Variants in MTUS2 observed in about 807,000 individuals in gnomAD.
The protein encoded by MTUS2 is microtubule associated scaffold protein 2, also known as microtubule-associated tumor suppressor candidate 2.
MTUS2 carries 40 observed loss-of-function variants against 114.1 expected under a neutral mutation model. The ratio of observed to expected loss-of-function variants is 0.35; its 90% CI spans 0.27 to 0.46. MTUS2 has a LOEUF of 0.46. MTUS2 is among the 20% of genes least tolerant of loss of function. The pLI is 1.00. For missense variants in MTUS2, 1,679 were observed against 1,705.4 expected (o/e 0.98, Z 0.27); for synonymous variants, 688 against 672.0 (o/e 1.02, Z -0.37).
At position 29,337,183 on chromosome 13, in the gene MTUS2, T is replaced by G. The variant is rs561604776; in HGVS notation, c.2905+12472T>G. Among the ~76,000 whole-genome samples, 8 of 78,162 alleles carry G rather than the reference T, an allele frequency of 1.0e-4. No individual in the cohort carries two copies. The South Asian group carries it at 4.9e-3, about 48-fold the overall frequency. 51.3% of individuals were successfully genotyped at this position (78,162 alleles called of 152,430 possible). On this transcript the variant is annotated intron_variant, in intron 7 of 15. Transcript: ENST00000612955. ...CTCTCACTGGTGATCCAGACACCAC[T>G]GGCATATGAAAAAAAAAAAACTCCT... is the stretch of plus-strand genomic sequence containing the variant.
chr13:28,906,220 A>G (rs1363906513), intron 2 of MTUS2, among the ~76,000 whole-genome samples: 1 of 151,226 alleles, frequency 6.6e-6, no homozygotes, highest in African/African-American at 2.4e-5. Context: ...TGGATTCATT[A>G]ATTTTTTGAA....
rs542803675 is a variant in MTUS2, at chr13:29,205,574, C to T, written c.2645-76130C>T. Among the ~76,000 whole-genome samples the T allele has an allele frequency of 2.5e-4, 38 of 152,334 alleles. No individual in the cohort carries two copies. In the East Asian group the frequency reaches 4.0e-3, roughly 16 times the overall value. On this transcript the variant is annotated intron_variant, in intron 5 of 15. Transcript: ENST00000612955. ...CCCTCACTCACTTCCCACCCATTCCCCAAAGTCCCCAGAGTGCATTGTATC... is the reference window on the plus strand; with the variant it reads ...CCCTCACTCACTTCCCACCCATTCCTCAAAGTCCCCAGAGTGCATTGTATC...
At chr13:28,998,058 C>T (rs1041398745) in intron 2 of MTUS2, among the ~76,000 whole-genome samples, 24 of 152,218 alleles carry the variant, frequency 1.6e-4, no homozygotes, top group Admixed American at 1.3e-3. Flanking sequence ...TTATTGCTTC[C>T]TTCAGGAGCT....
chr13:28,840,717 C>T (rs1875415490), intron 2 of MTUS2, among the ~76,000 whole-genome samples: 1 of 152,168 alleles, frequency 6.6e-6, no homozygotes, highest in Non-Finnish European at 1.5e-5. Context: ...TGGGATTCAA[C>T]TCATGATAGA....
At chr13:29,320,396 C>T (rs999461109) in intron 6 of MTUS2, among the ~76,000 whole-genome samples, 3 of 152,220 alleles carry the variant, frequency 2.0e-5, no homozygotes, top group East Asian at 3.9e-4. Flanking sequence ...AGAGAATAAA[C>T]TTGTGTTGTC....
chr13:28,972,675 T>C (rs963455727), intron 2 of MTUS2, among the ~76,000 whole-genome samples: 1 of 152,218 alleles, frequency 6.6e-6, no homozygotes, highest in Admixed American at 6.5e-5. Flanking sequence ...TGAGAATGGC[T>C]TTCCCGTTCT....
chr13:29,376,581 G>A (rs2138340093), intron 8 of MTUS2, among the ~76,000 whole-genome samples: 1 of 152,260 alleles, frequency 6.6e-6, no homozygotes, highest in Admixed American at 6.5e-5. Flanking sequence ...TAAATGTAAT[G>A]TAATGATTTC....
intron 5 of MTUS2, among the ~76,000 whole-genome samples, chr13:29,168,558 A>G (rs1322326578): frequency 6.6e-6 from 1 of 152,136 alleles, no homozygotes; most frequent in Non-Finnish European, 1.5e-5. Context: ...ACAATTCAGA[A>G]ATCTCTCTCT....
At chr13:29,106,254 C>A (rs1462907782) in intron 5 of MTUS2, among the ~76,000 whole-genome samples, 2 of 152,208 alleles carry the variant, frequency 1.3e-5, no homozygotes, top group African/African-American at 2.4e-5. Flanking sequence ...AAAACAAATT[C>A]TTCGTTTTTT....
intron 2 of MTUS2, among the ~76,000 whole-genome samples, chr13:28,999,514 A>G (rs1050521300): frequency 6.6e-6 from 1 of 152,238 alleles, no homozygotes; most frequent in African/African-American, 2.4e-5. Context: ...GACAAATAAT[A>G]TACATATTTA....
At chr13:29,350,965 A>G (rs369480947) in intron 7 of MTUS2, among the ~76,000 whole-genome samples, 1 of 21,000 alleles carries the variant, frequency 4.8e-5, no homozygotes, top group Non-Finnish European at 1.5e-4. Flanking sequence ...TATTTCATAT[A>G]TATATATATA....
chr13:28,965,339 T>A (rs191171369), intron 2 of MTUS2, among the ~76,000 whole-genome samples: 1 of 152,188 alleles, frequency 6.6e-6, no homozygotes, highest in Non-Finnish European at 1.5e-5. Flanking sequence ...GGCCTAGATC[T>A]TGAATCTCAG....
chr13:29,202,357 G>A (rs1276766678), intron 5 of MTUS2, among the ~76,000 whole-genome samples: 2 of 152,032 alleles, frequency 1.3e-5, no homozygotes, highest in Non-Finnish European at 2.9e-5. Context: ...AGCTCCATCA[G>A]ATCATTTGTG....
chr13:29,407,957 A>G (rs1230688525), intron 8 of MTUS2, among the ~76,000 whole-genome samples: 1 of 152,046 alleles, frequency 6.6e-6, no homozygotes, highest in African/African-American at 2.4e-5. Flanking sequence ...ATGTTTTTGT[A>G]TGTTTATGGA....
intron 5 of MTUS2, among the ~76,000 whole-genome samples, chr13:29,146,175 A>G (rs1007943797): frequency 1.3e-5 from 2 of 152,216 alleles, no homozygotes; most frequent in African/African-American, 4.8e-5. Flanking sequence ...CTTTGTCATA[A>G]AGAATACATC....
chr13:29,279,084 C>T (rs1898173034), intron 5 of MTUS2, among the ~76,000 whole-genome samples: 1 of 152,168 alleles, frequency 6.6e-6, no homozygotes, highest in Non-Finnish European at 1.5e-5. Context: ...GCAACTCTTA[C>T]ATTAACTTTT....
intron 2 of MTUS2, among the ~76,000 whole-genome samples, chr13:28,868,811 C>T (rs1415808431): frequency 6.6e-6 from 1 of 152,140 alleles, no homozygotes; most frequent in Non-Finnish European, 1.5e-5. Flanking sequence ...TATATAAGGT[C>T]CCTATCTGCC....
At position 29,119,021 on chromosome 13, in the gene MTUS2, C is replaced by T. The variant is rs115042988; in HGVS notation, c.2644+18051C>T. On this transcript the variant is annotated intron_variant, in intron 5 of 15. Transcript: ENST00000612955. ...TTATTCAGAAACTCTAAGGAAAAGG[C>T]TCCTAATATTTCTTGTACGTTTTTC... 5.5e-3 allele frequency among the ~76,000 whole-genome samples: 836 copies of T among 152,206 alleles called. 5 individuals carry two copies. Among genetic ancestry groups the T allele is most frequent in the African/African-American group, 0.018 (755 of 41,522 alleles).
In MTUS2 at chr13:29,319,781, G is replaced by C. The variant is rs192271314; in HGVS notation, c.2807-4832G>C. On this transcript the variant is annotated intron_variant, in intron 6 of 15. Transcript: ENST00000612955. ...GATGCCCGCTAGCCTTAGCCGCACA[G>C]AGTCTGCACTGGGGGAAAGAGATCA... Among the ~76,000 whole-genome samples, 18 of 152,256 alleles carry C rather than the reference G, an allele frequency of 1.2e-4. No individual in the cohort carries two copies. In the East Asian group the frequency reaches 3.3e-3, roughly 28 times the overall value.
Sources: gnomAD v4.1 joint callset for allele counts (sites outside exome capture counted in the v4.1 genomes callset) on GRCh38, gnomAD v4.1.1 for gene constraint, MANE v1.5 for transcripts, NCBI Gene and HGNC (gene_info 2026-07-23, HGNC 2026-07-21) for gene names.